The following CWH43 variants were observed in gnomAD, a reference collection of about 807,000 sequenced individuals.
The protein encoded by CWH43 is cell wall biogenesis 43 C-terminal homolog.
A neutral mutation model predicts 85.7 loss-of-function variants in CWH43; 91 were observed. The ratio of observed to expected loss-of-function variants is 1.06; its 90% CI spans 0.90 to 1.26. The LOEUF is 1.26. Among genes scored for constraint, CWH43 ranks in the 50% most tolerant of loss-of-function variants. CWH43 has a pLI of 0.00. For missense variants in CWH43, 869 were observed against 839.2 expected (o/e 1.04, Z -0.44); for synonymous variants, 323 against 293.6 (o/e 1.10, Z -1.02).
chr4:49,001,658 A>G (rs1027127853), intron 6 of CWH43, among the ~76,000 whole-genome samples: 6 of 152,196 alleles, frequency 3.9e-5, no homozygotes, highest in African/African-American at 1.2e-4. Context: ...TTTTGAATTT[A>G]TAACCTATTT....
At chr4:49,029,951 A>T (rs910853263) in intron 10 of CWH43, among the ~76,000 whole-genome samples, 1 of 152,206 alleles carries the variant, frequency 6.6e-6, no homozygotes, top group Non-Finnish European at 1.5e-5. Context: ...GACTGGGGCC[A>T]GTGCAGGTCC....
intron 13 of CWH43, among the ~76,000 whole-genome samples, chr4:49,043,813 T>G (rs1182254136): frequency 6.6e-6 from 1 of 152,024 alleles, no homozygotes; most frequent in Non-Finnish European, 1.5e-5. Context: ...CAGTGCTTCT[T>G]TATTTCCTTC....
At chr4:49,043,243 A>T (rs1432438581) in intron 13 of CWH43, among the ~76,000 whole-genome samples, 1 of 152,202 alleles carries the variant, frequency 6.6e-6, no homozygotes, top group African/African-American at 2.4e-5. Flanking sequence ...GACATATATT[A>T]TGTGTGTCTG....
Position 48,994,624 on chromosome 4 carries a change from G to T in CWH43, c.517G>T (p.Asp173Tyr). Residue 173 changes from aspartate to tyrosine, a missense_variant, in exon 5 of 16, where the codon GAC becomes TAC. By Grantham distance (160) the Asp-to-Tyr change is radical (BLOSUM62 -3). This residue lies in a region of CWH43 where 152 missense variants were observed against 203.6 expected (regional missense o/e 0.75). Coordinates refer to ENST00000226432, the MANE Select transcript of CWH43 (RefSeq NM_025087.3). ...TATGTATTTTTAAATTCTAGATGGT[G>T]ACTGCAGTAAACCTGAAGAAAAGAA... ...ATLDRIGTDG[D>Y]CSKPEEKKTG... 1 of 1,610,096 alleles carries T rather than the reference G, an allele frequency of 6.2e-7. No homozygotes were observed. The highest frequency in any genetic ancestry group is 1.1e-5 in the South Asian group (1 of 90,194).
intron 11 of CWH43, among the ~76,000 whole-genome samples, chr4:49,032,194 A>G (rs1461507075): frequency 1.3e-5 from 2 of 152,190 alleles, no homozygotes; most frequent in East Asian, 3.8e-4. Flanking sequence ...TTGTTACTCC[A>G]TGTTCTAGCT....
At position 49,038,136 on chromosome 4, in the gene CWH43, G is replaced by T; in HGVS notation, c.1759G>T (p.Gly587Cys). The change falls in exon 13 of 16, where the codon GGC becomes TGC. Residue 587 changes from glycine to cysteine, a missense_variant. Gly to Cys is a radical substitution (Grantham distance 159). Around this residue, in one of 3 missense-constraint regions of CWH43, gnomAD observed 577 missense variants for 513.1 expected, o/e 1.12. Transcript: ENST00000226432. The stretch of plus-strand genomic sequence containing the variant: ...TCTGGGATATATCACTTCAGCACCT[G>T]GCTCCAGAGATTATCTACAGCTCAC... ...IFLGYITSAP[G>C]SRDYLQLTEH... 1 of 1,610,728 alleles carries T rather than the reference G, an allele frequency of 6.2e-7. No homozygotes were observed. The highest frequency in any genetic ancestry group is 8.5e-7 in the Non-Finnish European group (1 of 1,178,222).
intron 7 of CWH43, among the ~76,000 whole-genome samples, chr4:49,004,243 T>C (rs1208864299): frequency 4.6e-5 from 7 of 152,186 alleles, no homozygotes. Flanking sequence ...AATTAATTAG[T>C]TGTGAAAAGA....
intron 9 of CWH43, among the ~76,000 whole-genome samples, chr4:49,020,384 T>TACACACACACACACACAC (rs35489918): frequency 7.5e-5 from 9 of 120,112 alleles, no homozygotes; most frequent in East Asian, 4.4e-4. Flanking sequence ...AGTATTCCAT[T>TACACACACACACACACAC]ACACACACAC....
chr4:49,039,194 A>T (rs1784360211), intron 13 of CWH43, among the ~76,000 whole-genome samples: 1 of 143,482 alleles, frequency 7.0e-6, no homozygotes, highest in Admixed American at 7.0e-5. Context: ...GCCCCAGCAG[A>T]TGACACTGAA....
At chr4:48,997,713 C>T (rs1260419326) in intron 5 of CWH43, among the ~76,000 whole-genome samples, 8 of 152,144 alleles carry the variant, frequency 5.3e-5, no homozygotes, top group Non-Finnish European at 1.0e-4. Flanking sequence ...CTTACATACC[C>T]TTTCCCCCAG....
intron 9 of CWH43, among the ~76,000 whole-genome samples, chr4:49,024,576 T>C (rs1044755374): frequency 1.6e-4 from 24 of 152,346 alleles, no homozygotes; most frequent in Admixed American, 7.2e-4. Flanking sequence ...TTTGTTTGTC[T>C]GTTAATGACT....
intron 15 of CWH43, among the ~76,000 whole-genome samples, chr4:49,053,857 A>G (rs1784872760): frequency 6.6e-6 from 1 of 152,174 alleles, no homozygotes; most frequent in South Asian, 2.1e-4. Context: ...TAATGCAAAT[A>G]TTCCAAAAAT....
chr4:49,016,723 C>T (rs978577505), intron 8 of CWH43: 109 of 775,806 alleles, frequency 1.4e-4, no homozygotes, highest in African/African-American at 1.1e-3. Flanking sequence ...TTTGCCTGCT[C>T]GAAAACAACC....
chr4:49,058,406 G>A (rs1230125634), intron 15 of CWH43, among the ~76,000 whole-genome samples: 1 of 152,014 alleles, frequency 6.6e-6, no homozygotes, highest in Non-Finnish European at 1.5e-5. Context: ...CACAATTCAT[G>A]TATTTTATAT....
intron 13 of CWH43, among the ~76,000 whole-genome samples, chr4:49,042,196 C>T (rs1422387122): frequency 1.3e-5 from 2 of 152,140 alleles, no homozygotes; most frequent in Non-Finnish European, 2.9e-5. Flanking sequence ...AGATGAGTCA[C>T]AGGTGGCAAA....
intron 15 of CWH43, among the ~76,000 whole-genome samples, chr4:49,061,365 T>C (rs540444819): frequency 6.6e-6 from 1 of 152,374 alleles, no homozygotes; most frequent in South Asian, 2.1e-4. Context: ...TTTTGTATTC[T>C]ATCATATCAA....
chr4:49,047,083 C>T (rs1049127693), intron 14 of CWH43, among the ~76,000 whole-genome samples: 4 of 152,142 alleles, frequency 2.6e-5, no homozygotes, highest in African/African-American at 7.2e-5. Flanking sequence ...TAGGGGCCGA[C>T]GTTAATGGAT....
intron 8 of CWH43, 108 bp downstream of exon 8, chr4:49,007,434 A>G (rs551067095): frequency 7.9e-7 from 1 of 1,260,972 alleles, no homozygotes; most frequent in Non-Finnish European, 1.0e-6. Flanking sequence ...TGTTTCAGCA[A>G]TTCTCAACAT....
chr4:49,047,150 G>A (rs1784649676), intron 14 of CWH43, among the ~76,000 whole-genome samples: 1 of 152,218 alleles, frequency 6.6e-6, no homozygotes, highest in African/African-American at 2.4e-5. Flanking sequence ...AGAGAAAATG[G>A]TTGCTTTCTG....
Sources: gnomAD v4.1 joint callset for allele counts (sites outside exome capture counted in the v4.1 genomes callset) on GRCh38, gnomAD v4.1.1 for gene constraint, gnomAD v4.1.1 regional missense constraint, MANE v1.5 for transcripts, NCBI Gene and HGNC (gene_info 2026-07-23, HGNC 2026-07-21) for gene names.